The following STPG2 variants were observed in gnomAD, a reference collection of about 807,000 sequenced individuals.
The protein encoded by STPG2 is sperm-tail PG-rich repeat-containing protein 2.
A neutral mutation model predicts 54.2 loss-of-function variants in STPG2; 56 were observed. The observed-to-expected ratio is 1.03, with a 90% CI of 0.83 to 1.29. The LOEUF (loss-of-function observed/expected upper bound fraction) is 1.29. Ranked by LOEUF, STPG2 falls within the 50% of genes most tolerant of loss-of-function variation. STPG2 has a pLI of 0.00. For missense variants in STPG2, 596 were observed against 544.9 expected (o/e 1.09, Z -0.93); for synonymous variants, 200 against 181.8 (o/e 1.10, Z -0.81).
intron 7 of STPG2, among the ~76,000 whole-genome samples, chr4:97,947,677 T>C (rs1178840805): frequency 6.6e-6 from 1 of 152,150 alleles, no homozygotes; most frequent in South Asian, 2.1e-4. Context: ...ATGGTTTTTG[T>C]TTTTAATTGT....
intron 4 of STPG2, among the ~76,000 whole-genome samples, chr4:97,498,744 A>T (rs545880463): frequency 3.9e-4 from 60 of 152,086 alleles, no homozygotes; most frequent in East Asian, 3.5e-3. Flanking sequence ...TTGCTTCATT[A>T]AAAAAATAAT....
At chr4:97,923,449 A>G (rs936328814) in intron 8 of STPG2, among the ~76,000 whole-genome samples, 1 of 152,264 alleles carries the variant, frequency 6.6e-6, no homozygotes, top group Non-Finnish European at 1.5e-5. Context: ...CTGTGGCCCC[A>G]GTGCTGGATC....
intron 10 of STPG2, among the ~76,000 whole-genome samples, chr4:97,684,347 T>C (rs1350875799): frequency 6.6e-6 from 1 of 151,914 alleles, no homozygotes; most frequent in East Asian, 1.9e-4. Context: ...AACTATAAAG[T>C]ATAAAGCTAC....
intron 4 of STPG2, among the ~76,000 whole-genome samples, chr4:97,482,170 T>C (rs776248731): frequency 2.0e-5 from 3 of 151,602 alleles, no homozygotes; most frequent in Admixed American, 2.0e-4. Flanking sequence ...TCTTGCATTC[T>C]TGGACAAATC....
At chr4:97,902,723 G>A (rs1487247131) in intron 8 of STPG2, among the ~76,000 whole-genome samples, 1 of 152,112 alleles carries the variant, frequency 6.6e-6, no homozygotes, top group African/African-American at 2.4e-5. Flanking sequence ...AGTCATTATG[G>A]AAAACAGTAT....
At chr4:97,935,518 A>C (rs1420314615) in intron 8 of STPG2, among the ~76,000 whole-genome samples, 2 of 152,166 alleles carry the variant, frequency 1.3e-5, no homozygotes, top group Non-Finnish European at 2.9e-5. Context: ...GTGGGCACTT[A>C]GTGCTAGAAG....
chr4:98,005,445 A>G (rs1412593147), intron 5 of STPG2, among the ~76,000 whole-genome samples: 1 of 152,204 alleles, frequency 6.6e-6, no homozygotes, highest in Non-Finnish European at 1.5e-5. Flanking sequence ...AGTCATGATA[A>G]TGAATATCCT....
intron 4 of STPG2, among the ~76,000 whole-genome samples, chr4:97,530,616 G>A (rs1731393799): frequency 6.6e-6 from 1 of 152,144 alleles, no homozygotes; most frequent in Non-Finnish European, 1.5e-5. Flanking sequence ...AGATGGTGGA[G>A]TAGAAGCTCA....
At chr4:97,956,921 T>C (rs1238550847) in intron 7 of STPG2, among the ~76,000 whole-genome samples, 1 of 152,090 alleles carries the variant, frequency 6.6e-6, no homozygotes, top group African/African-American at 2.4e-5. Flanking sequence ...ATAAGGTTCA[T>C]TAACATCCTC....
intron 9 of STPG2, among the ~76,000 whole-genome samples, chr4:97,795,705 G>A (rs535024890): frequency 1.9e-3 from 295 of 152,258 alleles, no homozygotes; most frequent in African/African-American, 7.0e-3. Flanking sequence ...AATCCTTTGG[G>A]TATATACCCA....
intron 10 of STPG2, among the ~76,000 whole-genome samples, chr4:97,689,883 A>C (rs1448296361): frequency 6.6e-6 from 1 of 152,056 alleles, no homozygotes; most frequent in Admixed American, 6.5e-5. Flanking sequence ...GAAATCTCTA[A>C]AACAATATAT....
chr4:97,556,007 A>C (rs1235584042), downstream of STPG2, among the ~76,000 whole-genome samples: 1 of 152,184 alleles, frequency 6.6e-6, no homozygotes, highest in African/African-American at 2.4e-5. Context: ...CCTGAGCATT[A>C]GAAGGCATAA....
intron 4 of STPG2, among the ~76,000 whole-genome samples, chr4:97,532,692 A>G (rs1731440655): frequency 6.6e-6 from 1 of 152,196 alleles, no homozygotes; most frequent in Non-Finnish European, 1.5e-5. Context: ...TTTCACTAAA[A>G]TGTGCTTATA....
rs371421895 is a variant in STPG2, at chr4:97,955,931, CTG to C, written c.934-11926_934-11925del. 1.5e-4 allele frequency among the ~76,000 whole-genome samples: 23 copies of C among 152,106 alleles called. 1 individual carries two copies. The East Asian group carries it at 3.3e-3, about 22-fold the overall frequency. ...AAAATACATTTCAGACAAACAAAAA[CTG>C]TAATAATTCAGCAGCAGACCTGGAC... is the stretch of plus-strand genomic sequence containing the variant. On this transcript the variant is annotated intron_variant, in intron 7 of 10. Transcript: ENST00000295268.
At chr4:97,536,956 G>T (rs922009647) in intron 4 of STPG2, among the ~76,000 whole-genome samples, 3 of 152,116 alleles carry the variant, frequency 2.0e-5, no homozygotes, top group African/African-American at 7.2e-5. Flanking sequence ...TCTAGCCTCT[G>T]TTTTCCTAGA....
At chr4:98,066,481 C>T (rs553498767) in intron 5 of STPG2, among the ~76,000 whole-genome samples, 3 of 152,024 alleles carry the variant, frequency 2.0e-5, no homozygotes, top group Non-Finnish European at 4.4e-5. Flanking sequence ...CCAAGCTACT[C>T]GGGAGGCTAA....
chr4:97,897,510 T>A (rs1489069245), intron 8 of STPG2, among the ~76,000 whole-genome samples: 1 of 152,166 alleles, frequency 6.6e-6, no homozygotes, highest in Non-Finnish European at 1.5e-5. Context: ...TGAACTAATT[T>A]ACACTCCCAC....
chr4:98,024,849 G>C (rs1736361963), intron 5 of STPG2, among the ~76,000 whole-genome samples: 1 of 152,098 alleles, frequency 6.6e-6, no homozygotes, highest in Admixed American at 6.6e-5. Context: ...ACCCAATACT[G>C]TTTTTAAAAA....
chr4:97,685,482 T>C (rs1280688277), intron 10 of STPG2, among the ~76,000 whole-genome samples: 1 of 152,144 alleles, frequency 6.6e-6, no homozygotes, highest in African/African-American at 2.4e-5. Context: ...CTGTATGATA[T>C]TCTTGAAAAA....
Sources: allele counts gnomAD v4.1 joint callset (sites outside exome capture counted in the v4.1 genomes callset), GRCh38; gene constraint gnomAD v4.1.1; transcripts MANE v1.5; gene names NCBI Gene and HGNC (gene_info 2026-07-23, HGNC 2026-07-21).